Variants in NSRP1 observed in about 807,000 individuals in gnomAD.
NSRP1 encodes the protein coiled-coil domain containing 55.
In NSRP1, 24 loss-of-function variants were observed where a neutral mutation model predicts 54.7. The ratio of observed to expected loss-of-function variants is 0.44; its 90% CI spans 0.32 to 0.62. The LOEUF (loss-of-function observed/expected upper bound fraction) is 0.62, where lower values mean the gene tolerates loss of function less well. Among genes scored for constraint, NSRP1 ranks in the 20% least tolerant of loss-of-function variants. The pLI is 0.06. For missense variants in NSRP1, 596 were observed against 651.2 expected, an observed-to-expected ratio of 0.92 and a Z score of 0.92; for synonymous variants, 210 against 213.8, an observed-to-expected ratio of 0.98 and a Z score of 0.15.
At chr17:30,147,197 C>T (rs1157169804) in intron 2 of NSRP1, among the ~76,000 whole-genome samples, 4 of 148,388 alleles carry the variant, frequency 2.7e-5, no homozygotes, top group Non-Finnish European at 4.4e-5. Flanking sequence ...GGTGCGATCT[C>T]GGCTCACTGC....
chr17:30,132,116 C>T (rs937154092), intron 2 of NSRP1, among the ~76,000 whole-genome samples: 4 of 148,878 alleles, frequency 2.7e-5, no homozygotes, highest in Admixed American at 1.4e-4. Flanking sequence ...GGCATGGTGG[C>T]GGGCGCCTGT....
At chr17:30,142,427 G>A (rs1384376134) in intron 2 of NSRP1, among the ~76,000 whole-genome samples, 1 of 151,652 alleles carries the variant, frequency 6.6e-6, no homozygotes, top group Non-Finnish European at 1.5e-5. Context: ...CTGGGCTCAA[G>A]TAATCCTCCC....
intron 2 of NSRP1, chr17:30,122,385 ATTTTTTTTTTTTTTTT>A (rs56295513): frequency 2.4e-4 from 4 of 16,426 alleles, no homozygotes; most frequent in African/African-American, 9.0e-4. Context: ...ATATATATAT[ATTTTTTTTTTTTTTTT>A]TTTTTTTTTT....
Position 30,183,990 on chromosome 17 carries a change from T to C in NSRP1, c.618-625T>C, listed in dbSNP as rs530987797. 2.6e-3 allele frequency among the ~76,000 whole-genome samples: 395 copies of C among 152,258 alleles called. 2 individuals are homozygous for C. Among genetic ancestry groups the C allele is most frequent in the African/African-American group, 9.2e-3 (382 of 41,534 alleles). On this transcript the variant is annotated intron_variant, in intron 6 of 6. Transcript: ENST00000247026. ...GCCAGGGTGGTTGGATCACCTGAGG[T>C]CAAGAGTTTGAGACCAGCTTGGCCA...
chr17:30,119,145 G>C (rs1238940279), intron 2 of NSRP1, among the ~76,000 whole-genome samples: 2 of 151,234 alleles, frequency 1.3e-5, no homozygotes, highest in Admixed American at 6.6e-5. Context: ...GCTAGAGTGG[G>C]ATGGTGCAGT....
chr17:30,172,699 T>C (rs1045407520), intron 3 of NSRP1, 101 bp downstream of exon 3: 2 of 861,738 alleles, frequency 2.3e-6, no homozygotes, highest in African/African-American at 3.4e-5. Context: ...ACAGAATAGA[T>C]TTAAGGAAAA....
intron 3 of NSRP1, among the ~76,000 whole-genome samples, chr17:30,174,709 A>C (rs1322585208): frequency 6.6e-6 from 1 of 152,240 alleles, no homozygotes; most frequent in African/African-American, 2.4e-5. Flanking sequence ...GGTGAACTAC[A>C]TACAAAAAGG....
intron 2 of NSRP1, among the ~76,000 whole-genome samples, chr17:30,160,280 A>C (rs1479047589): frequency 6.6e-6 from 1 of 151,692 alleles, no homozygotes; most frequent in Non-Finnish European, 1.5e-5. Flanking sequence ...TTTGTTTTTT[A>C]ATGTTGTGCC....
At chr17:30,147,046 T>TA (rs2071862046) in intron 2 of NSRP1, among the ~76,000 whole-genome samples, 1 of 152,242 alleles carries the variant, frequency 6.6e-6, no homozygotes. Context: ...TCCTAAGTGA[T>TA]ATCCTAAGCT....
Position 30,172,409 on chromosome 17 carries a change from T to C in NSRP1, c.115-133T>C. On this transcript the variant is annotated intron_variant, in intron 2 of 6. Coordinates refer to ENST00000247026, the MANE Select transcript of NSRP1 (RefSeq NM_032141.4). ...TATCAGATCTTCAGATTTGGGGTGCTGAACCAGTAAGTATTTTAAAAATCT... is the reference window on the plus strand; with the variant it reads ...TATCAGATCTTCAGATTTGGGGTGCCGAACCAGTAAGTATTTTAAAAATCT... 5 of 563,450 alleles carry C rather than the reference T, an allele frequency of 8.9e-6. No homozygotes were observed. The South Asian group carries it at 1.2e-4, about 14-fold the overall frequency. The allele number at this position is 563,450 out of a possible 1,614,324, so 34.9% of individuals were successfully genotyped here.
At chr17:30,126,673 C>T (rs1189677212) in intron 2 of NSRP1, among the ~76,000 whole-genome samples, 3 of 152,214 alleles carry the variant, frequency 2.0e-5, no homozygotes, top group Non-Finnish European at 2.9e-5. Flanking sequence ...ACTGCAACCT[C>T]CGCTTCCCAG....
At chr17:30,174,641 A>AAAATCT (rs1427063895) in intron 3 of NSRP1, among the ~76,000 whole-genome samples, 1 of 152,190 alleles carries the variant, frequency 6.6e-6, no homozygotes, top group African/African-American at 2.4e-5. Flanking sequence ...TTTGTTGCTA[A>AAAATCT]TCTAAGGAAA....
chr17:30,174,312 C>T (rs547182312), intron 3 of NSRP1, among the ~76,000 whole-genome samples: 1 of 152,280 alleles, frequency 6.6e-6, no homozygotes, highest in South Asian at 2.1e-4. Context: ...CTGCTTTCTG[C>T]TGATTTTTTC....
rs1292512448 is a variant in NSRP1, at chr17:30,185,321, G to C, written c.1324G>C (p.Val442Leu). The C allele has an allele frequency of 6.2e-7, 1 of 1,607,396 alleles. No individual in the cohort carries two copies. The highest frequency in any genetic ancestry group is 1.7e-5 in the Admixed American group (1 of 58,502). Residue 442 changes from valine to leucine, a missense_variant, in exon 7 of 7, where the codon GTA (valine) becomes CTA (leucine). Physicochemically the swap from Val to Leu is conservative, Grantham distance 32. Transcript: ENST00000247026. ...ATACAGAGATAGAGAAAAACGAGAGGTAGGTGTTCAGTCTTCAGAAAGAAA... is the reference window on the plus strand; with the variant it reads ...ATACAGAGATAGAGAAAAACGAGAGCTAGGTGTTCAGTCTTCAGAAAGAAA... ...DKYRDREKRE[V>L]GVQSSERNQD...
At chr17:30,178,349 AGAACT>A in intron 4 of NSRP1, 150 bp downstream of exon 4, 1 of 845,652 alleles carries the variant, frequency 1.2e-6, no homozygotes, top group Admixed American at 3.4e-5. Context: ...ATTTGATTGT[AGAACT>A]CAAGCAGCAC....
chr17:30,161,846 C>T (rs531127220), intron 2 of NSRP1, among the ~76,000 whole-genome samples: 2 of 152,064 alleles, frequency 1.3e-5, no homozygotes, highest in Non-Finnish European at 2.9e-5. Context: ...CTTTGCTTGC[C>T]AGTATACCTT....
chr17:30,117,350 T>A, intron 1 of NSRP1: 1 of 540,110 alleles, frequency 1.9e-6, no homozygotes, highest in Non-Finnish European at 3.3e-6. Context: ...TATAGGAAAT[T>A]GGGGTATACG....
Position 30,185,716 on chromosome 17 carries a change from G to A in NSRP1, c.*42G>A. On this transcript the variant is annotated 3_prime_UTR_variant, in exon 7 of 7. Coordinates refer to ENST00000247026, the MANE Select transcript of NSRP1 (RefSeq NM_032141.4). ...AAGATTTAAGGAAGCACAGAAAACTGTAATTCCTGGAACCTGCTGCGTAAA... is the reference window on the plus strand; with the variant it reads ...AAGATTTAAGGAAGCACAGAAAACTATAATTCCTGGAACCTGCTGCGTAAA... 1 of 1,485,520 alleles carries A rather than the reference G, an allele frequency of 6.7e-7. No individual in the cohort carries two copies. Among genetic ancestry groups the A allele is most frequent in the South Asian group, 1.5e-5 (1 of 66,106 alleles). The allele number at this position is 1,485,520 out of a possible 1,614,324, so 92.0% of individuals were successfully genotyped here.
At position 30,186,304 on chromosome 17, in the gene NSRP1, T is replaced by A. The variant is rs1905538286; in HGVS notation, c.*630T>A. ...TAAATAAATAATTTAACTCTTCTAA[T>A]AATGTTTTGTTGCAGGAAATGTATT... is the stretch of plus-strand genomic sequence containing the variant. On this transcript the variant is annotated 3_prime_UTR_variant, in exon 7 of 7. Transcript: ENST00000247026. 1 of 152,190 alleles carries A rather than the reference T, an allele frequency of 6.6e-6. No individual in the cohort carries two copies. The highest frequency in any genetic ancestry group is 2.1e-4 in the South Asian group (1 of 4,830). The allele number at this position is 152,190 out of a possible 1,614,324, so 9.4% of individuals were successfully genotyped here.
Sources: gnomAD v4.1 joint callset for allele counts (sites outside exome capture counted in the v4.1 genomes callset) on GRCh38, gnomAD v4.1.1 for gene constraint, MANE v1.5 for transcripts, NCBI Gene and HGNC (gene_info 2026-07-23, HGNC 2026-07-21) for gene names.